UPK1A: variants seen among roughly 807,000 people sequenced by gnomAD.
The protein encoded by UPK1A is uroplakin 1A, also known as uroplakin-1a.
In UPK1A, 31 loss-of-function variants were observed where a neutral mutation model predicts 32.3. That is an observed-to-expected ratio of 0.96 (90% CI 0.72 to 1.30). The LOEUF (loss-of-function observed/expected upper bound fraction) is 1.30, where lower values mean the gene tolerates loss of function less well. Among genes scored for constraint, UPK1A ranks in the 50% most tolerant of loss-of-function variants. UPK1A has a pLI of 0.00. For missense variants in UPK1A, 340 were observed against 357.4 expected, an observed-to-expected ratio of 0.95 and a Z score of 0.39; for synonymous variants, 135 against 137.1, an observed-to-expected ratio of 0.98 and a Z score of 0.11.
At chr19:35,670,405 T>TCCCCAC (rs2146383339) in intron 3 of UPK1A, among the ~76,000 whole-genome samples, 1 of 36,634 alleles carries the variant, frequency 2.7e-5, no homozygotes, top group African/African-American at 1.1e-4. Flanking sequence ...TCCCCTCCCC[T>TCCCCAC]CTCCTTCCTT....
intron 3 of UPK1A, among the ~76,000 whole-genome samples, chr19:35,672,131 G>A (rs1177819036): frequency 1.3e-5 from 2 of 152,174 alleles, no homozygotes. Flanking sequence ...AACATCAACT[G>A]ACAAGCTTTT....
chr19:35,677,945 A>T, intron 7 of UPK1A, 30 bp from the exon 8 acceptor site: 1 of 1,586,340 alleles, frequency 6.3e-7, no homozygotes, highest in Non-Finnish European at 8.6e-7. Context: ...TGGGGGGCGG[A>T]GTGCCCTCAT....
At chr19:35,671,224 T>TA (rs1968091653) in intron 3 of UPK1A, among the ~76,000 whole-genome samples, 1 of 151,044 alleles carries the variant, frequency 6.6e-6, no homozygotes, top group African/African-American at 2.4e-5. Context: ...CCGTCTTTAC[T>TA]AAAAAACAAA....
chr19:35,676,064 C>A (rs1414102675), intron 6 of UPK1A, 45 bp downstream of exon 6: 1 of 1,574,140 alleles, frequency 6.4e-7, no homozygotes, highest in East Asian at 2.3e-5. Context: ...ATCTGTCTGT[C>A]TTCCTCTGGT....
chr19:35,677,829 C>T (rs202128031), exon 7 of UPK1A: 40 of 1,611,994 alleles, frequency 2.5e-5, no homozygotes, highest in East Asian at 2.0e-4. Context: ...TCGAACACAT[C>T]GGCCACGCCA....
intron 6 of UPK1A, among the ~76,000 whole-genome samples, 164 bp from the exon 7 acceptor site, chr19:35,677,648 C>G (rs762550987): frequency 4.6e-5 from 7 of 152,146 alleles, no homozygotes; most frequent in African/African-American, 7.2e-5. Flanking sequence ...CCTGGGGCCC[C>G]GAAACCACCC....
chr19:35,668,932 C>T (rs1968045001), intron 3 of UPK1A, among the ~76,000 whole-genome samples: 1 of 151,760 alleles, frequency 6.6e-6, no homozygotes, highest in African/African-American at 2.4e-5. Flanking sequence ...ATTCTCCTGC[C>T]TCAGCCTCCC....
chr19:35,667,424 C>T (rs553459338), intron 2 of UPK1A, among the ~76,000 whole-genome samples: 34 of 152,158 alleles, frequency 2.2e-4, no homozygotes, highest in African/African-American at 7.9e-4. Flanking sequence ...CCTCTAACTC[C>T]CGGGCTCAAG....
At chr19:35,673,192 G>A (rs1300097881) in intron 3 of UPK1A, 40 bp from the exon 4 acceptor site, 1 of 1,604,470 alleles carries the variant, frequency 6.2e-7, no homozygotes, top group East Asian at 2.2e-5. Flanking sequence ...GTGGCTTCAC[G>A]GGCTCTGCCC....
chr19:35,668,040 G>T (rs926365569), intron 2 of UPK1A: 4 of 252,312 alleles, frequency 1.6e-5, no homozygotes, highest in Non-Finnish European at 2.3e-5. Context: ...CTCCCGCCTC[G>T]GCCTCCCACA....
rs568951720 is a variant in UPK1A at position 35,673,527 on chromosome 19, G to A, written c.450G>A (p.Trp150Ter). 2.2e-5 allele frequency: 35 copies of A among 1,613,488 alleles called. 1 individual carries two copies. In the South Asian group the frequency reaches 3.2e-4, roughly 15 times the overall value. ...AGGGCCAGGAGCTGACCCGCCTCTG[G>A]GACCGCGTCATGATTGAGGTGGGCG... The change falls in exon 5 of 8, where the codon TGG (tryptophan) becomes TGA (stop). Residue 150 changes from tryptophan to a stop codon, truncating the protein, a stop_gained. Coordinates refer to ENST00000617999, the Ensembl canonical transcript of UPK1A. LOFTEE classifies it high-confidence loss of function.
chr19:35,675,336 C>T (rs1968164492), intron 5 of UPK1A, among the ~76,000 whole-genome samples: 1 of 152,072 alleles, frequency 6.6e-6, no homozygotes, highest in South Asian at 2.1e-4. Flanking sequence ...GGCTGGAGTG[C>T]AGTGGCACGA....
chr19:35,669,459 GTCCAAGACCAGAC>G (rs1162409003), intron 3 of UPK1A, among the ~76,000 whole-genome samples: 1 of 149,206 alleles, frequency 6.7e-6, no homozygotes, highest in Non-Finnish European at 1.5e-5. Context: ...GAGGTCGGGA[GTCCAAGACCAGAC>G]TGGCCAACAT....
rs781415453 is a variant in UPK1A at position 35,673,318 on chromosome 19, G to A, written c.360+12G>A. On this transcript the variant is annotated intron_variant, in intron 4 of 7. Coordinates refer to ENST00000617999, the Ensembl canonical transcript of UPK1A. Reference sequence around the variant, plus strand: ...CCCACCGTGACTACGTGAGCCCGGCGAGGCCTGGGGAGGGGCCTGACCTGC... The same window carrying A: ...CCCACCGTGACTACGTGAGCCCGGCAAGGCCTGGGGAGGGGCCTGACCTGC... 1 of 1,613,920 alleles carries A rather than the reference G, an allele frequency of 6.2e-7. No individual in the cohort carries two copies. Among genetic ancestry groups the A allele is most frequent in the East Asian group, 2.2e-5 (1 of 44,852 alleles).
chr19:35,668,523 A>C (rs1968035851), exon 3 of UPK1A: 5 of 1,614,026 alleles, frequency 3.1e-6, no homozygotes, highest in African/African-American at 1.3e-5. Flanking sequence ...ATACCCACTG[A>C]TGGGAGTCTC....
At chr19:35,673,649 C>A in intron 5 of UPK1A, 104 bp downstream of exon 5, 2 of 953,392 alleles carry the variant, frequency 2.1e-6, no homozygotes, top group East Asian at 2.6e-5. Context: ...GCCTTAAAGA[C>A]ATCCGCTCAT....
In UPK1A at chr19:35,677,372, A is replaced by C. The variant is rs559317911; in HGVS notation, c.649-440A>C. 4.7e-5 allele frequency among the ~76,000 whole-genome samples: 7 copies of C among 148,330 alleles called. No homozygotes were observed. In the South Asian group the frequency reaches 1.5e-3, roughly 32 times the overall value. On this transcript the variant is annotated intron_variant, in intron 6 of 7. Transcript: ENST00000617999. ...GAAACCCCGTCTCTACTAAAAATAC[A>C]AAAATTAGCCGGGCGTAGTGGTGCA... is the stretch of plus-strand genomic sequence containing the variant.
chr19:35,670,185 G>A (rs925708973), intron 3 of UPK1A, among the ~76,000 whole-genome samples: 5 of 152,214 alleles, frequency 3.3e-5, no homozygotes, highest in African/African-American at 4.8e-5. Context: ...AGGCCAGAGC[G>A]GGCCAGGAGT....
chr19:35,667,812 C>T (rs1968021893), intron 2 of UPK1A: 3 of 155,716 alleles, frequency 1.9e-5, no homozygotes, highest in Non-Finnish European at 4.2e-5. Context: ...GTTTTAGAGA[C>T]AGGGTCTCAC....
Sources: allele counts gnomAD v4.1 joint callset (sites outside exome capture counted in the v4.1 genomes callset), GRCh38; gene constraint gnomAD v4.1.1; transcripts MANE v1.5; gene names NCBI Gene and HGNC (gene_info 2026-07-23, HGNC 2026-07-21).